The following SUDS3 variants were observed in gnomAD, a reference collection of about 807,000 sequenced individuals.
The protein encoded by SUDS3 is sin3 histone deacetylase corepressor complex component SDS3.
Under a neutral mutation model 53.5 loss-of-function variants are expected in SUDS3, and 23 were observed. That is an observed-to-expected ratio of 0.43 (90% confidence interval 0.31 to 0.61). The LOEUF (loss-of-function observed/expected upper bound fraction) is 0.61. Among genes scored for constraint, SUDS3 ranks in the 20% least tolerant of loss-of-function variants. The pLI is 0.10. For missense variants in SUDS3, 291 were observed against 405.9 expected (o/e 0.72, Z 2.43); for synonymous variants, 150 against 148.5 (o/e 1.01, Z -0.08).
At chr12:118,376,974 G>A (rs1173869686) in intron 1 of SUDS3, 141 bp downstream of exon 1, 3 of 1,145,786 alleles carry the variant, frequency 2.6e-6, no homozygotes, top group Non-Finnish European at 2.3e-6. Context: ...CGGGGCTCGG[G>A]GAAGTTACCC....
intron 10 of SUDS3, among the ~76,000 whole-genome samples, chr12:118,404,982 G>A (rs2046296965): frequency 6.6e-6 from 1 of 152,196 alleles, no homozygotes; most frequent in Non-Finnish European, 1.5e-5. Context: ...GATGCTGGAG[G>A]CTGGCTTTAT....
intron 2 of SUDS3, 119 bp downstream of exon 2, chr12:118,380,350 G>A: frequency 1.2e-6 from 1 of 834,210 alleles, no homozygotes; most frequent in Non-Finnish European, 1.9e-6. Flanking sequence ...CTGAGTGCCA[G>A]CATGATGCTC....
At position 118,400,772 on chromosome 12, in the gene SUDS3, G is replaced by T. The variant is rs761673789; in HGVS notation, c.613+18G>T. 1 of 1,608,578 alleles carries T rather than the reference G, an allele frequency of 6.2e-7. No homozygotes were observed. The highest frequency in any genetic ancestry group is 1.7e-5 in the Admixed American group (1 of 60,002). On this transcript the variant is annotated intron_variant, in intron 7 of 11. Transcript: ENST00000543473. ...TGCTCCAGATATCCATTTACATCAAGCCTTAACCGCCTTTCTTTTTTAAGA... is the reference window on the plus strand; with the variant it reads ...TGCTCCAGATATCCATTTACATCAATCCTTAACCGCCTTTCTTTTTTAAGA...
intron 1 of SUDS3, among the ~76,000 whole-genome samples, chr12:118,377,341 TAACTC>T (rs954399837): frequency 1.3e-5 from 2 of 152,136 alleles, no homozygotes; most frequent in African/African-American, 2.4e-5. Flanking sequence ...CTTTGTCACT[TAACTC>T]AGCTTTGTAA....
In SUDS3 at chr12:118,402,009, G is replaced by A. The variant is rs781371545; in HGVS notation, c.697+5G>A. On this transcript the variant is annotated splice_donor_5th_base_variant and intron_variant, in intron 9 of 11. Transcript: ENST00000543473. The stretch of plus-strand genomic sequence containing the variant: ...TTAAGTCACCCAAGAGACCAGGTGA[G>A]TGCATGATGTGTTGGCATTTGTGCA... 6.2e-7 allele frequency: 1 copy of A among 1,613,962 alleles called. No individual in the cohort carries two copies. Among genetic ancestry groups the A allele is most frequent in the Non-Finnish European group, 8.5e-7 (1 of 1,179,874 alleles).
At chr12:118,379,916 C>A (rs1227635850) in intron 1 of SUDS3, among the ~76,000 whole-genome samples, 1 of 152,214 alleles carries the variant, frequency 6.6e-6, no homozygotes, top group Non-Finnish European at 1.5e-5. Flanking sequence ...TCCAGGACTT[C>A]ATGGATACTA....
chr12:118,403,603 C>T (rs2046283603), intron 10 of SUDS3, 86 bp downstream of exon 10: 3 of 1,083,812 alleles, frequency 2.8e-6, no homozygotes, highest in Non-Finnish European at 2.8e-6. Context: ...TATTTCAGAT[C>T]ACGGCTGCTG....
rs1207371772 is a variant in SUDS3, at chr12:118,376,841, C to T, written c.142+8C>T. The T allele has an allele frequency of 1.3e-6, 2 of 1,516,518 alleles. No individual in the cohort carries two copies. The highest frequency in any genetic ancestry group is 2.6e-5 in the East Asian group (1 of 38,448). The allele number at this position is 1,516,518 out of a possible 1,614,324, so 93.9% of individuals were successfully genotyped here. ...GCCGCGAGTCGGACGAAGGTGAGTC[C>T]TGCCGCTCGCCCGGCCGCCCGGAGC... On this transcript the variant is annotated splice_region_variant and intron_variant, in intron 1 of 11. Coordinates refer to ENST00000543473, the MANE Select transcript of SUDS3 (RefSeq NM_022491.3).
At chr12:118,390,031 C>CT in intron 5 of SUDS3, 85 bp downstream of exon 5, 1 of 1,527,906 alleles carries the variant, frequency 6.5e-7, no homozygotes. Context: ...TTCCTTCTAT[C>CT]ACCAAGTAGA....
In SUDS3 at chr12:118,376,574, C is replaced by T. The variant is rs879738874; in HGVS notation, c.-118C>T. ...CTCGGCGGAGACGGGGAAGGGGTCG[C>T]CGTGGCTGCCGGTCCTCGAGTTGGG... On this transcript the variant is annotated 5_prime_UTR_variant, in exon 1 of 12. Coordinates refer to ENST00000543473, the MANE Select transcript of SUDS3 (RefSeq NM_022491.3). 1.6e-4 allele frequency: 194 copies of T among 1,218,732 alleles called. No individual in the cohort carries two copies. Among genetic ancestry groups the T allele is most frequent in the Non-Finnish European group, 1.9e-4 (181 of 968,590 alleles). 75.5% of individuals were successfully genotyped at this position (1,218,732 alleles called of 1,614,324 possible).
intron 1 of SUDS3, among the ~76,000 whole-genome samples, chr12:118,377,183 T>G (rs371785568): frequency 6.6e-6 from 1 of 152,032 alleles, no homozygotes; most frequent in Non-Finnish European, 1.5e-5. Flanking sequence ...CGCCCCTTTT[T>G]TGTGTGTGAG....
At chr12:118,392,903 T>C (rs1291232747) in intron 6 of SUDS3, among the ~76,000 whole-genome samples, 1 of 152,208 alleles carries the variant, frequency 6.6e-6, no homozygotes, top group African/African-American at 2.4e-5. Flanking sequence ...ACAGCCAGAA[T>C]CTTAACTGGG....
At chr12:118,395,327 G>T (rs1242723224) in intron 6 of SUDS3, among the ~76,000 whole-genome samples, 1 of 144,932 alleles carries the variant, frequency 6.9e-6, no homozygotes, top group African/African-American at 2.5e-5. Context: ...CCGGGTTCAC[G>T]CCATTCTCCT....
Position 118,400,773 on chromosome 12 carries a change from C to T in SUDS3, c.613+19C>T. On this transcript the variant is annotated intron_variant, in intron 7 of 11. Transcript: ENST00000543473. ...GCTCCAGATATCCATTTACATCAAGCCTTAACCGCCTTTCTTTTTTAAGAC... is the reference window on the plus strand; with the variant it reads ...GCTCCAGATATCCATTTACATCAAGTCTTAACCGCCTTTCTTTTTTAAGAC... 6.2e-7 allele frequency: 1 copy of T among 1,608,002 alleles called. No individual in the cohort carries two copies. Among genetic ancestry groups the T allele is most frequent in the Non-Finnish European group, 8.5e-7 (1 of 1,174,452 alleles).
At chr12:118,386,229 A>G (rs768450923) in intron 4 of SUDS3, 44 bp downstream of exon 4, 4 of 1,486,598 alleles carry the variant, frequency 2.7e-6, no homozygotes, top group Non-Finnish European at 2.8e-6. Flanking sequence ...TCAATGTTTG[A>G]CCATTTGCCG....
At position 118,414,797 on chromosome 12, in the gene SUDS3, T is replaced by C. The variant is rs1393867717; in HGVS notation, c.*364T>C. The stretch of plus-strand genomic sequence containing the variant: ...TTTATTGATTATCTTTAAGTCTCTC[T>C]ACCATGGAGAAGAGCAGGAAGGGAT... On this transcript the variant is annotated 3_prime_UTR_variant, in exon 12 of 12. Coordinates refer to ENST00000543473, the MANE Select transcript of SUDS3 (RefSeq NM_022491.3). The C allele has an allele frequency of 5.9e-6, 1 of 168,436 alleles. No individual in the cohort carries two copies. The highest frequency in any genetic ancestry group is 2.4e-5 in the African/African-American group (1 of 41,838). 10.4% of individuals were successfully genotyped at this position (168,436 alleles called of 1,614,324 possible). A position where few individuals can be genotyped will look rare whatever the true frequency, so the allele number is the denominator to read the frequency against.
chr12:118,403,852 T>C (rs936131774), intron 10 of SUDS3, among the ~76,000 whole-genome samples: 1 of 152,130 alleles, frequency 6.6e-6, no homozygotes, highest in African/African-American at 2.4e-5. Flanking sequence ...TCTGCTCCTG[T>C]GTGCTAAGGT....
At chr12:118,411,490 T>A (rs1762587139) in intron 11 of SUDS3, among the ~76,000 whole-genome samples, 1 of 152,110 alleles carries the variant, frequency 6.6e-6, no homozygotes, top group East Asian at 1.9e-4. Flanking sequence ...AACTCCTGCT[T>A]CTTTTTTTTT....
At chr12:118,400,401 C>T (rs2046253486) in intron 6 of SUDS3, among the ~76,000 whole-genome samples, 1 of 152,078 alleles carries the variant, frequency 6.6e-6, no homozygotes, top group Non-Finnish European at 1.5e-5. Context: ...GAGAGATGCC[C>T]ACAGTGGCTG....
Sources: allele counts gnomAD v4.1 joint callset (sites outside exome capture counted in the v4.1 genomes callset), GRCh38; gene constraint gnomAD v4.1.1; transcripts MANE v1.5; gene names NCBI Gene and HGNC (gene_info 2026-07-23, HGNC 2026-07-21).